The following LCNL1 variants were observed in gnomAD, a reference collection of about 807,000 sequenced individuals.
The protein encoded by LCNL1 is lipocalin like 1.
LCNL1 carries 11 observed loss-of-function variants against 7.9 expected under a neutral mutation model. The observed-to-expected ratio is 1.40, with a 90% confidence interval of 0.88 to 2.32. The LOEUF is 2.32. Among genes scored for constraint, LCNL1 ranks in the 30% most tolerant of loss-of-function variants. LCNL1 has a pLI of 0.00. For synonymous variants in LCNL1, 90 were observed against 92.5 expected, an observed-to-expected ratio of 0.97 and a Z score of 0.15; for missense variants, 218 against 217.0, an observed-to-expected ratio of 1.00 and a Z score of -0.03.
rs1327711367 is a variant in LCNL1 at position 136,985,050 on chromosome 9, C to T, written c.*39C>T. 1.4e-6 allele frequency: 2 copies of T among 1,431,352 alleles called. No individual in the cohort carries two copies. Among genetic ancestry groups the T allele is most frequent in the African/African-American group, 2.9e-5 (2 of 68,062 alleles). 88.7% of individuals were successfully genotyped at this position (1,431,352 alleles called of 1,614,324 possible). On this transcript the variant is annotated 3_prime_UTR_variant, in exon 3 of 3. Coordinates refer to ENST00000408973, the MANE Select transcript of LCNL1 (RefSeq NM_207510.4). ...CCCACCTTCAGCTCGAGCGCCCGAGCTGTTTCCCGAAGGCGCCCAGAAGAT... is the reference window on the plus strand; with the variant it reads ...CCCACCTTCAGCTCGAGCGCCCGAGTTGTTTCCCGAAGGCGCCCAGAAGAT...
At position 136,984,542 on chromosome 9, in the gene LCNL1, C is replaced by T. The variant is rs1426642004; in HGVS notation, c.175C>T (p.Pro59Ser). The T allele has an allele frequency of 1.3e-6, 2 of 1,575,900 alleles. No individual in the cohort carries two copies. The highest frequency in any genetic ancestry group is 2.3e-5 in the South Asian group (2 of 86,226). Residue 59 changes from proline to serine, a missense_variant, in exon 2 of 3, where the codon CCG becomes TCG. Physicochemically the swap from Pro to Ser is moderately conservative, Grantham distance 74. Coordinates refer to ENST00000408973, the MANE Select transcript of LCNL1 (RefSeq NM_207510.4). ...MDTTFTEGAV[P>S]GQFSNPAMAL... ...CACGACCTTCACCGAGGGTGCTGTA[C>T]CGGGGCAGTTCAGCAACCCAGGTGA... is the stretch of plus-strand genomic sequence containing the variant.
At position 136,985,178 on chromosome 9, in the gene LCNL1, G is replaced by A. The variant is rs1317061373; in HGVS notation, c.*167G>A. 3 of 662,270 alleles carry A rather than the reference G, an allele frequency of 4.5e-6. No individual in the cohort carries two copies. Among genetic ancestry groups the A allele is most frequent in the African/African-American group, 1.9e-5 (1 of 53,954 alleles). 41.0% of individuals were successfully genotyped at this position (662,270 alleles called of 1,614,324 possible). A position where few individuals can be genotyped will look rare whatever the true frequency, so the allele number is the denominator to read the frequency against. On this transcript the variant is annotated 3_prime_UTR_variant, in exon 3 of 3. Transcript: ENST00000408973. ...AGCCCTGCTGGGAGGGCCAGGCCCC[G>A]GGTCACACCCCTGCTGGAAGGGCCA...
At chr9:136,984,603 C>T in intron 2 of LCNL1, 40 bp downstream of exon 2, 2 of 1,528,792 alleles carry the variant, frequency 1.3e-6, no homozygotes, top group Non-Finnish European at 1.8e-6. Flanking sequence ...CGTGGGGGCC[C>T]TGGAGGCTGC....
chr9:136,983,575 G>A lies in LCNL1; in HGVS notation c.-12G>A, dbSNP rs201072860. On this transcript the variant is annotated 5_prime_UTR_variant, in exon 1 of 3. Coordinates refer to ENST00000408973, the MANE Select transcript of LCNL1 (RefSeq NM_207510.4). The stretch of plus-strand genomic sequence containing the variant: ...CCCTGCACTTGCCCTGCAGTTCCAG[G>A]GCACCTGGTACATGGTCGGGGTGGT... 338 of 1,612,296 alleles carry A rather than the reference G, an allele frequency of 2.1e-4. 2 individuals are homozygous for A. In the African/African-American group the frequency reaches 3.8e-3, roughly 18 times the overall value.
chr9:136,983,990 C>A, intron 1 of LCNL1: 1 of 465,766 alleles, frequency 2.1e-6, no homozygotes, highest in Non-Finnish European at 4.0e-6. Flanking sequence ...GTATGTGTGT[C>A]TATTTCTGCA....
rs1449112807 is a variant in LCNL1 at position 136,985,045 on chromosome 9, C to T, written c.*34C>T. The T allele has an allele frequency of 6.3e-6, 9 of 1,434,304 alleles. No individual in the cohort carries two copies. The East Asian group carries it at 2.0e-4, about 31-fold the overall frequency. The allele number at this position is 1,434,304 out of a possible 1,614,324, so 88.8% of individuals were successfully genotyped here. A position where few individuals can be genotyped will look rare whatever the true frequency, so the allele number is the denominator to read the frequency against. On this transcript the variant is annotated 3_prime_UTR_variant, in exon 3 of 3. Transcript: ENST00000408973. ...CCCTCCCCACCTTCAGCTCGAGCGC[C>T]CGAGCTGTTTCCCGAAGGCGCCCAG...
At position 136,983,097 on chromosome 9, in the gene LCNL1, G is replaced by A. The variant is rs1379692727; in HGVS notation, c.-490G>A. The A allele has an allele frequency of 1.8e-5, 3 of 164,260 alleles. No homozygotes were observed. The highest frequency in any genetic ancestry group is 4.8e-5 in the African/African-American group (2 of 41,946). The allele number at this position is 164,260 out of a possible 1,614,324, so 10.2% of individuals were successfully genotyped here. A position where few individuals can be genotyped will look rare whatever the true frequency, so the allele number is the denominator to read the frequency against. On this transcript the variant is annotated 5_prime_UTR_variant, in exon 1 of 3. Coordinates refer to ENST00000408973, the MANE Select transcript of LCNL1 (RefSeq NM_207510.4). ...CCTCCCGGCTTTGGTGCTGCACCCC[G>A]GGTCCCTGTCCACACCCTCTTTGAT...
intron 1 of LCNL1, 164 bp downstream of exon 1, chr9:136,983,872 C>T: frequency 2.0e-5 from 17 of 853,424 alleles, no homozygotes; most frequent in Non-Finnish European, 3.1e-5. Flanking sequence ...ACACGGAGTC[C>T]AGAGGGACCC....
At position 136,983,040 on chromosome 9, in the gene LCNL1, C is replaced by A. The variant is rs1203539035; in HGVS notation, c.-547C>A. 2.5e-5 allele frequency: 4 copies of A among 159,242 alleles called. No homozygotes were observed. Among genetic ancestry groups the A allele is most frequent in the African/African-American group, 9.6e-5 (4 of 41,628 alleles). The allele number at this position is 159,242 out of a possible 1,614,324, so 9.9% of individuals were successfully genotyped here. A position where few individuals can be genotyped will look rare whatever the true frequency, so the allele number is the denominator to read the frequency against. ...CAACTTTGATGCCAGCCAGGTGTGC[C>A]CAGCCCTGTTTCCTCCTCATCTCCA... On this transcript the variant is annotated 5_prime_UTR_variant, in exon 1 of 3. Transcript: ENST00000408973.
At chr9:136,984,642 G>A (rs1332377549) in intron 2 of LCNL1, 71 bp from the exon 3 acceptor site, 14 of 1,503,042 alleles carry the variant, frequency 9.3e-6, no homozygotes, top group African/African-American at 1.4e-5. Context: ...ACCTGGGGCC[G>A]GGGCGTGAGG....
chr9:136,984,312 TACCC>T (rs1830473034), intron 1 of LCNL1, 174 bp from the exon 2 acceptor site: 1 of 567,416 alleles, frequency 1.8e-6, no homozygotes, highest in African/African-American at 1.9e-5. Context: ...AGGTACTTAA[TACCC>T]ACCCCACCCC....
chr9:136,984,537 C>G lies in LCNL1; in HGVS notation c.170C>G (p.Ala57Gly). 6.3e-7 allele frequency: 1 copy of G among 1,575,746 alleles called. No individual in the cohort carries two copies. The highest frequency in any genetic ancestry group is 8.6e-7 in the Non-Finnish European group (1 of 1,160,794). ...ATGGACACGACCTTCACCGAGGGTG[C>G]TGTACCGGGGCAGTTCAGCAACCCA... ...QKMDTTFTEG[A>G]VPGQFSNPAM... The change falls in exon 2 of 3, where the codon GCT becomes GGT. Residue 57 changes from alanine (A) to glycine (G), a missense_variant. Ala to Gly is a moderately conservative substitution (Grantham distance 60). Transcript: ENST00000408973.
intron 2 of LCNL1, 24 bp from the exon 3 acceptor site, chr9:136,984,689 G>A (rs1207753344): frequency 2.6e-6 from 4 of 1,517,532 alleles, no homozygotes; most frequent in Non-Finnish European, 8.8e-7. Context: ...CTGGGCCTGG[G>A]GTCAGCGGCT....
chr9:136,983,271 A>C lies in LCNL1; in HGVS notation c.-316A>C. On this transcript the variant is annotated 5_prime_UTR_variant, in exon 1 of 3. Coordinates refer to ENST00000408973, the MANE Select transcript of LCNL1 (RefSeq NM_207510.4). ...ATCCCCAGGGCCCAAAATAGGGACA[A>C]GTTGGTTGCCTGTGCCTCACTGTCC... 3.2e-6 allele frequency: 1 copy of C among 308,762 alleles called. No individual in the cohort carries two copies. Among genetic ancestry groups the C allele is most frequent in the Admixed American group, 4.2e-5 (1 of 24,044 alleles). 19.1% of individuals were successfully genotyped at this position (308,762 alleles called of 1,614,324 possible).
In LCNL1 at chr9:136,983,597, T is replaced by G; in HGVS notation, c.11T>G (p.Val4Gly). 6.2e-7 allele frequency: 1 copy of G among 1,613,628 alleles called. No homozygotes were observed. The highest frequency in any genetic ancestry group is 1.1e-5 in the South Asian group (1 of 91,078). Residue 4 changes from valine (V) to glycine (G), a missense_variant, in exon 1 of 3, where the codon GTG becomes GGG. Physicochemically the swap from Val to Gly is moderately radical, Grantham distance 109 (BLOSUM62 -3). Coordinates refer to ENST00000408973, the MANE Select transcript of LCNL1 (RefSeq NM_207510.4). MVG[V>G]VSDDQDFLDS... is the part of the protein sequence containing the mutation. ...CAGGGCACCTGGTACATGGTCGGGG[T>G]GGTGTCAGATGACCAGGACTTCCTG...
Position 136,985,041 on chromosome 9 carries a change from G to T in LCNL1, c.*30G>T, listed in dbSNP as rs752466270. 19 of 1,439,430 alleles carry T rather than the reference G, an allele frequency of 1.3e-5. No individual in the cohort carries two copies. The highest frequency in any genetic ancestry group is 1.7e-5 in the Non-Finnish European group (19 of 1,087,726). The allele number at this position is 1,439,430 out of a possible 1,614,324, so 89.2% of individuals were successfully genotyped here. Reference sequence around the variant, plus strand: ...CCCGCCCTCCCCACCTTCAGCTCGAGCGCCCGAGCTGTTTCCCGAAGGCGC... The same window carrying T: ...CCCGCCCTCCCCACCTTCAGCTCGATCGCCCGAGCTGTTTCCCGAAGGCGC... On this transcript the variant is annotated 3_prime_UTR_variant, in exon 3 of 3. Coordinates refer to ENST00000408973, the MANE Select transcript of LCNL1 (RefSeq NM_207510.4).
chr9:136,983,831 G>A, intron 1 of LCNL1, 123 bp downstream of exon 1: 1 of 1,380,474 alleles, frequency 7.2e-7, no homozygotes, highest in Non-Finnish European at 1.0e-6. Flanking sequence ...GTCCTCGACG[G>A]CTCTGTGCGG....
Position 136,985,027 on chromosome 9 carries a change from C to T in LCNL1, c.*16C>T. 6.8e-7 allele frequency: 1 copy of T among 1,468,762 alleles called. No homozygotes were observed. Among genetic ancestry groups the T allele is most frequent in the Non-Finnish European group, 9.1e-7 (1 of 1,102,204 alleles). 91.0% of individuals were successfully genotyped at this position (1,468,762 alleles called of 1,614,324 possible). ...TTCCCTTTAGCTTACCCGCCCTCCC[C>T]ACCTTCAGCTCGAGCGCCCGAGCTG... On this transcript the variant is annotated 3_prime_UTR_variant, in exon 3 of 3. Transcript: ENST00000408973.
chr9:136,985,083 C>G lies in LCNL1; in HGVS notation c.*72C>G. ...CGAAGGCGCCCAGAAGATGCAGCTA[C>G]TGGCGCCCCAAGTGGGCCTGAGCCC... On this transcript the variant is annotated 3_prime_UTR_variant, in exon 3 of 3. Coordinates refer to ENST00000408973, the MANE Select transcript of LCNL1 (RefSeq NM_207510.4). The G allele has an allele frequency of 1.5e-6, 2 of 1,372,612 alleles. No individual in the cohort carries two copies. Among genetic ancestry groups the G allele is most frequent in the African/African-American group, 1.5e-5 (1 of 67,620 alleles). The allele number at this position is 1,372,612 out of a possible 1,614,324, so 85.0% of individuals were successfully genotyped here.
Sources: gnomAD v4.1 joint callset for allele counts on GRCh38, gnomAD v4.1.1 for gene constraint, MANE v1.5 for transcripts, NCBI Gene and HGNC (gene_info 2026-07-23, HGNC 2026-07-21) for gene names.